Variants in FBXO4 observed in about 807,000 individuals in gnomAD.
The protein encoded by FBXO4 is F-box only protein 4.
A neutral mutation model predicts 43.7 loss-of-function variants in FBXO4; 36 were observed. That is an observed-to-expected ratio of 0.82 (90% CI 0.63 to 1.09). FBXO4 has a LOEUF of 1.09. Among genes scored for constraint, FBXO4 ranks in the 50% least tolerant of loss-of-function variants. FBXO4 has a pLI of 0.00. For synonymous variants in FBXO4, 180 were observed against 165.6 expected, an observed-to-expected ratio of 1.09 and a Z score of -0.67; for missense variants, 435 against 474.1, an observed-to-expected ratio of 0.92 and a Z score of 0.77.
chr5:41,930,948 G>A (rs185849340), intron 3 of FBXO4, among the ~76,000 whole-genome samples: 21 of 152,316 alleles, frequency 1.4e-4, no homozygotes, highest in South Asian at 4.1e-4. Flanking sequence ...GAGCCACCGC[G>A]CCCGGCGGAG....
chr5:41,985,241 C>T, the FBXO4 span, among the ~76,000 whole-genome samples: 1 of 152,236 alleles, frequency 6.6e-6, no homozygotes, highest in East Asian at 1.9e-4. Flanking sequence ...ATGCATAATT[C>T]CCTTCATATT....
In FBXO4 at chr5:41,934,309, G is replaced by A. The variant is rs1193872636; in HGVS notation, c.898+1G>A. The stretch of plus-strand genomic sequence containing the variant: ...GTTGCAAATGCTGAAGCTCATAAAA[G>A]TAAGTACTCATATGTACATTTTTAA... On this transcript the variant is annotated splice_donor_variant, in intron 5 of 6. Coordinates refer to ENST00000281623, the MANE Select transcript of FBXO4 (RefSeq NM_012176.3). LOFTEE classifies it high-confidence loss of function. 6.2e-7 allele frequency: 1 copy of A among 1,613,998 alleles called. No homozygotes were observed. The highest frequency in any genetic ancestry group is 1.7e-5 in the Admixed American group (1 of 60,018).
chr5:42,006,809 C>T, the FBXO4 span, among the ~76,000 whole-genome samples: 6 of 147,466 alleles, frequency 4.1e-5, no homozygotes, highest in Non-Finnish European at 8.9e-5. Flanking sequence ...CAAAGAAATG[C>T]TTTGCAGAAT....
At chr5:42,032,616 C>A in the FBXO4 span, among the ~76,000 whole-genome samples, 339 of 152,244 alleles carry the variant, frequency 2.2e-3, 2 homozygotes, top group Non-Finnish European at 4.1e-3. Flanking sequence ...GTGAGACTCA[C>A]GCTTCAGGAC....
the FBXO4 span, among the ~76,000 whole-genome samples, chr5:41,953,921 C>T: frequency 5.3e-5 from 8 of 152,122 alleles, no homozygotes; most frequent in East Asian, 5.8e-4. Flanking sequence ...GAGTAGGTTG[C>T]GAAGAAAACC....
the FBXO4 span, among the ~76,000 whole-genome samples, chr5:42,000,324 A>T: frequency 6.6e-6 from 1 of 152,318 alleles, no homozygotes; most frequent in South Asian, 2.1e-4. Context: ...TAAGATACTG[A>T]TTGCATTTCA....
At chr5:41,959,439 G>A in the FBXO4 span, among the ~76,000 whole-genome samples, 7 of 151,846 alleles carry the variant, frequency 4.6e-5, no homozygotes, top group South Asian at 4.1e-4. Flanking sequence ...CTTTAGGGCC[G>A]TATTTTAAAA....
the FBXO4 span, among the ~76,000 whole-genome samples, chr5:41,981,330 A>C: frequency 1.3e-5 from 2 of 152,034 alleles, no homozygotes; most frequent in Non-Finnish European, 1.5e-5. Flanking sequence ...AACAAGATTG[A>C]TTATGAAGTA....
At chr5:41,993,500 A>C in the FBXO4 span, among the ~76,000 whole-genome samples, 8 of 151,926 alleles carry the variant, frequency 5.3e-5, no homozygotes, top group East Asian at 1.5e-3. Context: ...TCAACTATAT[A>C]ATTCAGTGTT....
the FBXO4 span, among the ~76,000 whole-genome samples, chr5:41,960,438 G>A: frequency 8.5e-5 from 13 of 152,048 alleles, no homozygotes; most frequent in Admixed American, 8.5e-4. Flanking sequence ...TGATCTTAGA[G>A]GAAAAACTTT....
chr5:42,029,261 A>G, the FBXO4 span, among the ~76,000 whole-genome samples: 3 of 152,124 alleles, frequency 2.0e-5, no homozygotes, highest in South Asian at 6.2e-4. Context: ...TATATACGTC[A>G]TGCCACTCTC....
At chr5:41,993,593 T>G in the FBXO4 span, among the ~76,000 whole-genome samples, 1 of 145,734 alleles carries the variant, frequency 6.9e-6, no homozygotes, top group African/African-American at 2.6e-5. Flanking sequence ...TTAGTCAGGG[T>G]TCTCAAGAGA....
chr5:41,986,787 T>G, the FBXO4 span, among the ~76,000 whole-genome samples: 1 of 152,104 alleles, frequency 6.6e-6, no homozygotes, highest in Non-Finnish European at 1.5e-5. Context: ...AGGAGAAGGT[T>G]TGTGAATCCT....
chr5:42,015,283 A>AGT, the FBXO4 span, among the ~76,000 whole-genome samples: 1 of 152,142 alleles, frequency 6.6e-6, no homozygotes, highest in Admixed American at 6.6e-5. Context: ...TGTGTGTGTG[A>AGT]GTGTGTGTGT....
chr5:41,952,621 G>A, the FBXO4 span, among the ~76,000 whole-genome samples: 1 of 152,040 alleles, frequency 6.6e-6, no homozygotes, highest in Non-Finnish European at 1.5e-5. Flanking sequence ...ATCTTCCCAT[G>A]TCCTGTCCAC....
chr5:42,035,792 CT>C, the FBXO4 span, among the ~76,000 whole-genome samples: 3 of 152,056 alleles, frequency 2.0e-5, no homozygotes, highest in African/African-American at 2.4e-5. Context: ...TTTATGTGCA[CT>C]TTCCATTTTT....
At chr5:42,010,989 C>G in the FBXO4 span, among the ~76,000 whole-genome samples, 17 of 152,224 alleles carry the variant, frequency 1.1e-4, no homozygotes, top group African/African-American at 4.1e-4. Context: ...AACCCGTTAT[C>G]TACATTAGGT....
chr5:42,001,107 A>G, the FBXO4 span, among the ~76,000 whole-genome samples: 5 of 152,204 alleles, frequency 3.3e-5, no homozygotes, highest in Non-Finnish European at 7.3e-5. Flanking sequence ...GTGTTTCTGT[A>G]AACAATGTCA....
chr5:42,038,290 TG>T, the FBXO4 span, among the ~76,000 whole-genome samples: 2 of 152,098 alleles, frequency 1.3e-5, no homozygotes, highest in African/African-American at 4.8e-5. Flanking sequence ...AAAGCAGTTA[TG>T]GATAGATTTG....
Sources: allele counts gnomAD v4.1 joint callset (sites outside exome capture counted in the v4.1 genomes callset), GRCh38; gene constraint gnomAD v4.1.1; transcripts MANE v1.5; gene names NCBI Gene and HGNC (gene_info 2026-07-23, HGNC 2026-07-21).